The following GLP1R variants were observed in gnomAD, a reference collection of about 807,000 sequenced individuals.
The protein encoded by GLP1R is glucagon like peptide 1 receptor.
A neutral mutation model predicts 68.4 loss-of-function variants in GLP1R; 32 were observed. The ratio of observed to expected loss-of-function variants is 0.47; its 90% CI spans 0.35 to 0.63. The LOEUF (loss-of-function observed/expected upper bound fraction) is 0.63. GLP1R is among the 20% of genes least tolerant of loss of function. The probability of loss-of-function intolerance (pLI) is 0.00; values close to 1 mark genes in which losing one functional copy is unlikely to be tolerated. For missense variants in GLP1R, 502 were observed against 594.9 expected (o/e 0.84, Z 1.62); for synonymous variants, 263 against 244.4 (o/e 1.08, Z -0.71).
chr6:39,060,503 T>TG (rs936885787), intron 3 of GLP1R, among the ~76,000 whole-genome samples: 2 of 152,152 alleles, frequency 1.3e-5, no homozygotes, highest in African/African-American at 2.4e-5. Flanking sequence ...AGAATGGGGC[T>TG]GGGGGGTCCC....
chr6:39,068,651 C>T (rs1768581885), intron 5 of GLP1R, among the ~76,000 whole-genome samples: 1 of 152,346 alleles, frequency 6.6e-6, no homozygotes, highest in East Asian at 1.9e-4. Context: ...CTGCTACGTC[C>T]TCCAGAGGGA....
At chr6:39,073,037 GC>G in intron 6 of GLP1R, 22 bp downstream of exon 6, 1 of 1,606,232 alleles carries the variant, frequency 6.2e-7, no homozygotes, top group Non-Finnish European at 8.5e-7. Flanking sequence ...ATCCAGGACC[GC>G]CTCAGGAGGG....
rs1002661668 is a variant in GLP1R, at chr6:39,054,369, G to A, written c.79-2028G>A. On this transcript the variant is annotated intron_variant, in intron 1 of 12. Transcript: ENST00000373256. ...GCCTGCAGGGGTGGGATGAAGGCTC[G>A]AAGGTATTTAGAAGCCCTGATCTGG... Among the ~76,000 whole-genome samples, 168 of 152,204 alleles carry A rather than the reference G, an allele frequency of 1.1e-3. 2 individuals are homozygous for A. The highest frequency in any genetic ancestry group is 3.8e-3 in the African/African-American group (156 of 41,538).
chr6:39,065,828 G>A lies in GLP1R; in HGVS notation c.401G>A (p.Arg134Lys). The change falls in exon 4 of 13, where the codon AGA (arginine) becomes AAA (lysine). Residue 134 changes from arginine (R) to lysine (K), a missense_variant and splice_region_variant. Coordinates refer to ENST00000373256, the MANE Select transcript of GLP1R (RefSeq NM_002062.5). Reference protein sequence around the residue: ...SECEESKRGERSSPEEQLLFL... With the variant: ...SECEESKRGEKSSPEEQLLFL... ...TGCGAGGAGTCCAAGCGAGGGGAAA[G>A]AGTGAGTTGAGGCGGGGTTCTGAGC... is the stretch of plus-strand genomic sequence containing the variant. 1 of 1,560,446 alleles carries A rather than the reference G, an allele frequency of 6.4e-7. No individual in the cohort carries two copies. Among genetic ancestry groups the A allele is most frequent in the South Asian group, 1.1e-5 (1 of 88,668 alleles).
chr6:39,082,675 G>A (rs1224060935), intron 12 of GLP1R, among the ~76,000 whole-genome samples: 1 of 152,174 alleles, frequency 6.6e-6, no homozygotes, highest in Non-Finnish European at 1.5e-5. Context: ...CTCCCCTCCA[G>A]GAATGCTCTC....
At chr6:39,085,848 AT>A in intron 12 of GLP1R, 57 bp from the exon 13 acceptor site, 2 of 1,543,928 alleles carry the variant, frequency 1.3e-6, no homozygotes, top group Non-Finnish European at 1.8e-6. Context: ...TAGTGGGGCC[AT>A]TTTGTTAGCC....
At chr6:39,080,451 C>T (rs1343874319) in intron 11 of GLP1R, among the ~76,000 whole-genome samples, 1 of 152,226 alleles carries the variant, frequency 6.6e-6, no homozygotes, top group Non-Finnish European at 1.5e-5. Flanking sequence ...ATGGCACATG[C>T]CTGGGAGACC....
rs1054475521 is a variant in GLP1R, at chr6:39,087,973, G to A, written c.*1900G>A. ...GTGCTGGTGCAAGTGTTTAAGTTTTGGATAAACTGAGGATTTTGAGAATCA... is the reference window on the plus strand; with the variant it reads ...GTGCTGGTGCAAGTGTTTAAGTTTTAGATAAACTGAGGATTTTGAGAATCA... On this transcript the variant is annotated 3_prime_UTR_variant, in exon 13 of 13. Coordinates refer to ENST00000373256, the MANE Select transcript of GLP1R (RefSeq NM_002062.5). 6.6e-6 allele frequency among the ~76,000 whole-genome samples: 1 copy of A among 152,094 alleles called. No homozygotes were observed. The highest frequency in any genetic ancestry group is 2.4e-5 in the African/African-American group (1 of 41,418).
In GLP1R at chr6:39,079,843, G is replaced by A. The variant is rs2150836694; in HGVS notation, c.1182+141G>A. On this transcript the variant is annotated intron_variant, in intron 11 of 12. Coordinates refer to ENST00000373256, the MANE Select transcript of GLP1R (RefSeq NM_002062.5). This position sits in a 1 kb window ranked among gnomAD's most constrained non-coding sequence, Gnocchi z 4.5. ...CCCTGCCCAAAGTCACCTAGTTGGA[G>A]CAGAGCCAGAACTAGTATCCCCAGG... 1 of 712,508 alleles carries A rather than the reference G, an allele frequency of 1.4e-6. No homozygotes were observed. Among genetic ancestry groups the A allele is most frequent in the South Asian group, 1.8e-5 (1 of 56,112 alleles). 44.1% of individuals were successfully genotyped at this position (712,508 alleles called of 1,614,324 possible).
intron 7 of GLP1R, among the ~76,000 whole-genome samples, chr6:39,076,037 CTG>C (rs1427606471): frequency 1.3e-5 from 2 of 152,198 alleles, no homozygotes; most frequent in Non-Finnish European, 2.9e-5. Flanking sequence ...GCTTTCGTGA[CTG>C]TGTTTTTTGA....
rs1769230779 is a variant in GLP1R at position 39,089,441 on chromosome 6, G to A, written c.*3368G>A. 6.6e-6 allele frequency among the ~76,000 whole-genome samples: 1 copy of A among 152,190 alleles called. No individual in the cohort carries two copies. Among genetic ancestry groups the A allele is most frequent in the Admixed American group, 6.5e-5 (1 of 15,286 alleles). On this transcript the variant is annotated 3_prime_UTR_variant, in exon 13 of 13. Transcript: ENST00000373256. This position sits in a 1 kb window ranked among gnomAD's most constrained non-coding sequence, Gnocchi z 4.1. ...CAAACGGCAACTGTAGCCTAGCAAA[G>A]ATGGCACAGCACCACAAAGGGCAAA...
In GLP1R at chr6:39,065,826, A is replaced by G. The variant is rs6918287; in HGVS notation, c.399A>G (p.Glu133=). ...AGTGCGAGGAGTCCAAGCGAGGGGA[A>G]AGAGTGAGTTGAGGCGGGGTTCTGA... ...LSECEESKRG[E]RSSPEEQLLF... Residue 133 remains glutamate, a synonymous_variant, in exon 4 of 13, where the codon GAA becomes GAG. Coordinates refer to ENST00000373256, the MANE Select transcript of GLP1R (RefSeq NM_002062.5). 1,573,570 of 1,590,076 alleles carry G rather than the reference A, an allele frequency of 0.99. 778,684 individuals carry two copies. The highest frequency in any genetic ancestry group is 1 in the East Asian group (44,579 of 44,588).
At chr6:39,076,405 T>C (rs551058118) in intron 7 of GLP1R, among the ~76,000 whole-genome samples, 1 of 152,212 alleles carries the variant, frequency 6.6e-6, no homozygotes, top group South Asian at 2.1e-4. Context: ...TGCTGAGAGG[T>C]CCGATTTGTG....
intron 3 of GLP1R, among the ~76,000 whole-genome samples, chr6:39,062,292 A>G (rs915184335): frequency 4.6e-5 from 7 of 152,052 alleles, no homozygotes; most frequent in African/African-American, 1.7e-4. Context: ...CCTGGCTGTG[A>G]TTTACCAGCT....
At chr6:39,068,739 G>A (rs1438073043) in intron 5 of GLP1R, among the ~76,000 whole-genome samples, 12 of 152,070 alleles carry the variant, frequency 7.9e-5, no homozygotes. Context: ...GTAGGGAGCA[G>A]AGACAGGAGG....
At chr6:39,050,907 C>T (rs1768071769) in intron 1 of GLP1R, among the ~76,000 whole-genome samples, 1 of 152,098 alleles carries the variant, frequency 6.6e-6, no homozygotes, top group Admixed American at 6.5e-5. Context: ...ACCTCCTACT[C>T]AGACGGGACT....
chr6:39,065,627 G>A (rs1483720177), intron 3 of GLP1R, 84 bp from the exon 4 acceptor site: 2 of 784,156 alleles, frequency 2.6e-6, no homozygotes, highest in Admixed American at 2.3e-5. Context: ...ATAGCCCTCA[G>A]AATGGGGAGG....
In GLP1R at chr6:39,086,114, C is replaced by G. The variant is rs10305511; in HGVS notation, c.*41C>G. 3.2e-5 allele frequency: 50 copies of G among 1,583,128 alleles called. No individual in the cohort carries two copies. In the Admixed American group the frequency reaches 8.3e-4, roughly 26 times the overall value. ...CCTCCCTGGGGTCCTTGCTGCAGGC[C>G]GGGTGGCCAATCCAGGTGGGAGAGA... On this transcript the variant is annotated 3_prime_UTR_variant, in exon 13 of 13. Coordinates refer to ENST00000373256, the MANE Select transcript of GLP1R (RefSeq NM_002062.5). This position sits in a 1 kb window ranked among gnomAD's most constrained non-coding sequence, Gnocchi z 4.5.
At chr6:39,085,881 C>T (rs201609729) in intron 12 of GLP1R, 25 bp from the exon 13 acceptor site, 62 of 1,612,224 alleles carry the variant, frequency 3.8e-5, no homozygotes, top group Admixed American at 5.0e-5. Context: ...TGATGGCTTT[C>T]GTTTCCCTCC....
Sources: gnomAD v4.1 joint callset for allele counts (sites outside exome capture counted in the v4.1 genomes callset) on GRCh38, gnomAD v4.1.1 for gene constraint, Gnocchi (gnomAD v3.1) non-coding constraint, MANE v1.5 for transcripts, NCBI Gene and HGNC (gene_info 2026-07-23, HGNC 2026-07-21) for gene names.